The following SPECC1 variants were observed in gnomAD, a reference collection of about 807,000 sequenced individuals.
SPECC1 encodes cytospin-B.
In SPECC1, 62 loss-of-function variants were observed where a neutral mutation model predicts 104.1. That is an observed-to-expected ratio of 0.60 (90% CI 0.49 to 0.74). The LOEUF (loss-of-function observed/expected upper bound fraction) is 0.74. SPECC1 is among the 30% of genes least tolerant of loss of function. SPECC1 has a pLI of 0.00. For synonymous variants in SPECC1, 513 were observed against 501.6 expected, an observed-to-expected ratio of 1.02 and a Z score of -0.30; for missense variants, 1,306 against 1,310.5, an observed-to-expected ratio of 1.00 and a Z score of 0.05.
intron 12 of SPECC1, among the ~76,000 whole-genome samples, chr17:20,289,844 G>A (rs903770089): frequency 5.9e-5 from 9 of 152,248 alleles, no homozygotes; most frequent in Admixed American, 3.9e-4. Context: ...TTCTTGGAGC[G>A]AGTGTTATGT....
At chr17:20,173,926 G>T (rs571233032) in intron 3 of SPECC1, among the ~76,000 whole-genome samples, 1 of 75,266 alleles carries the variant, frequency 1.3e-5, no homozygotes, top group East Asian at 1.1e-3. Context: ...GAAGTTTTTG[G>T]TGTTTTTTTT....
chr17:20,034,079 G>A (rs1172767312), intron 1 of SPECC1, among the ~76,000 whole-genome samples: 2 of 150,586 alleles, frequency 1.3e-5, no homozygotes, highest in Non-Finnish European at 2.9e-5. Flanking sequence ...AGTTTCTAAA[G>A]TAAGCGTTTG....
chr17:20,023,996 A>C (rs1331918610), intron 1 of SPECC1, among the ~76,000 whole-genome samples: 4 of 152,198 alleles, frequency 2.6e-5, no homozygotes, highest in African/African-American at 9.7e-5. Context: ...CCTAAATAGC[A>C]AAAGGAGGTC....
At position 20,227,428 on chromosome 17, in the gene SPECC1, T is replaced by G. The variant is rs1266763185; in HGVS notation, c.1879T>G (p.Ser627Ala). The G allele has an allele frequency of 6.2e-7, 1 of 1,611,578 alleles. No individual in the cohort carries two copies. The highest frequency in any genetic ancestry group is 1.3e-5 in the African/African-American group (1 of 74,686). The change falls in exon 5 of 15, where the codon TCA becomes GCA. Residue 627 changes from serine (S) to alanine (A), a missense_variant. Ser to Ala is a moderately conservative substitution (Grantham distance 99). Transcript: ENST00000395527. The stretch of plus-strand genomic sequence containing the variant: ...TTTATTTTAGGTGGAAAAGGATTAT[T>G]CATACCTGAAGGAGATATGTGATCA... ...SLLAKVEKDY[S>A]YLKEICDHQA...
chr17:20,271,730 T>C (rs1287025145), intron 12 of SPECC1, among the ~76,000 whole-genome samples: 1 of 152,138 alleles, frequency 6.6e-6, no homozygotes, highest in East Asian at 1.9e-4. Context: ...TTTGATCTTC[T>C]GTATCCTACA....
chr17:20,176,586 A>C lies in SPECC1; in HGVS notation c.284-27747A>C, dbSNP rs145764586. 1.8e-3 allele frequency among the ~76,000 whole-genome samples: 270 copies of C among 152,316 alleles called. 2 individuals are homozygous for C. Among genetic ancestry groups the C allele is most frequent in the African/African-American group, 5.9e-3 (244 of 41,570 alleles). ...GAGGTTAGAAGTCTAAAGTCAAGGT[A>C]CTGGCAGGGCTGTGTTCCTTCTGGA... On this transcript the variant is annotated intron_variant, in intron 3 of 14. Transcript: ENST00000395527.
At chr17:20,301,398 A>G (rs1170876036) in intron 13 of SPECC1, among the ~76,000 whole-genome samples, 1 of 150,990 alleles carries the variant, frequency 6.6e-6, no homozygotes, top group African/African-American at 2.5e-5. Context: ...CTATGTGCTC[A>G]GTGCCAGGGC....
At chr17:20,068,976 T>C (rs1054664096) in intron 1 of SPECC1, among the ~76,000 whole-genome samples, 2 of 152,230 alleles carry the variant, frequency 1.3e-5, no homozygotes, top group African/African-American at 4.8e-5. Context: ...TTTTTTAACT[T>C]ATTTTAGGTT....
intron 3 of SPECC1, among the ~76,000 whole-genome samples, chr17:20,145,245 G>A (rs902461319): frequency 3.9e-5 from 6 of 152,138 alleles, no homozygotes; most frequent in South Asian, 4.1e-4. Flanking sequence ...GCAAGATAGC[G>A]TAATCTCCCT....
At chr17:20,025,696 A>G (rs1199744556) in intron 1 of SPECC1, among the ~76,000 whole-genome samples, 3 of 152,128 alleles carry the variant, frequency 2.0e-5, no homozygotes, top group Admixed American at 6.6e-5. Context: ...TTATGTGGAT[A>G]TATGTTTTCA....
intron 3 of SPECC1, 133 bp from the exon 4 acceptor site, chr17:20,204,200 T>C (rs560758087): frequency 1.8e-6 from 2 of 1,131,926 alleles, no homozygotes; most frequent in South Asian, 1.6e-5. Context: ...ACTGGGTAAT[T>C]AGCTAGAGGA....
chr17:20,034,605 CTTTTTTTT>C (rs375147469), intron 1 of SPECC1, among the ~76,000 whole-genome samples: 1 of 132,402 alleles, frequency 7.6e-6, no homozygotes, highest in African/African-American at 2.9e-5. Context: ...TCTATTTTTC[CTTTTTTTT>C]TTTTTTTTTG....
chr17:20,311,203 A>G (rs1598184178), intron 14 of SPECC1, among the ~76,000 whole-genome samples: 1 of 148,480 alleles, frequency 6.7e-6, no homozygotes, highest in African/African-American at 2.5e-5. Flanking sequence ...GGACTTTTGT[A>G]TACTGACCTT....
At chr17:20,045,703 C>T (rs1056656434) in intron 1 of SPECC1, among the ~76,000 whole-genome samples, 1 of 152,168 alleles carries the variant, frequency 6.6e-6, no homozygotes, top group African/African-American at 2.4e-5. Context: ...GCACGTTCCT[C>T]CTACTGAGCC....
rs149445793 is a variant in SPECC1 at position 20,297,031 on chromosome 17, A to G, written c.3011A>G (p.Tyr1004Cys). The G allele has an allele frequency of 1.9e-4, 299 of 1,613,976 alleles. No homozygotes were observed. The highest frequency in any genetic ancestry group is 2.3e-4 in the Non-Finnish European group (275 of 1,180,024). Reference protein sequence around the residue: ...GLAFCALLHTYLPAHIPYQEL... With the variant: ...GLAFCALLHTCLPAHIPYQEL... ...GCCTTCTGTGCTCTGCTCCACACCT[A>G]CCTGCCTGCCCACATCCCCTACCAG... The change falls in exon 13 of 15, where the codon TAC (tyrosine) becomes TGC (cysteine). Residue 1004 changes from tyrosine to cysteine, a missense_variant. Transcript: ENST00000395527.
At chr17:20,307,373 A>G (rs1327371414) in intron 14 of SPECC1, among the ~76,000 whole-genome samples, 2 of 152,166 alleles carry the variant, frequency 1.3e-5, no homozygotes, top group South Asian at 2.1e-4. Flanking sequence ...TTTTGTCCCC[A>G]TGCTTGTTCT....
chr17:20,080,833 C>T (rs1440379889), intron 1 of SPECC1, among the ~76,000 whole-genome samples: 1 of 152,068 alleles, frequency 6.6e-6, no homozygotes, highest in Non-Finnish European at 1.5e-5. Context: ...TTGGGCATCC[C>T]TTGGCCATCC....
intron 12 of SPECC1, among the ~76,000 whole-genome samples, chr17:20,294,075 A>G (rs1213093742): frequency 6.6e-6 from 1 of 152,136 alleles, no homozygotes; most frequent in South Asian, 2.1e-4. Context: ...TCTGCCTTCC[A>G]GGTTCAAGGC....
Position 20,315,534 on chromosome 17 carries a change from C to T in SPECC1, c.*1469C>T, listed in dbSNP as rs564649631. ...CCTTGCTGTTTTAAGTGCCAAATAG[C>T]GTGTTAGCGCCCCTCCAACAAAGGA... On this transcript the variant is annotated 3_prime_UTR_variant, in exon 15 of 15. Coordinates refer to ENST00000395527, the MANE Select transcript of SPECC1 (RefSeq NM_001243439.2). The T allele has an allele frequency of 3.0e-5, 7 of 232,676 alleles. No homozygotes were observed. The highest frequency in any genetic ancestry group is 1.8e-4 in the South Asian group (1 of 5,510). The allele number at this position is 232,676 out of a possible 1,614,324, so 14.4% of individuals were successfully genotyped here.
Sources: gnomAD v4.1 joint callset for allele counts (sites outside exome capture counted in the v4.1 genomes callset) on GRCh38, gnomAD v4.1.1 for gene constraint, MANE v1.5 for transcripts, NCBI Gene and HGNC (gene_info 2026-07-23, HGNC 2026-07-21) for gene names.